Variants in ITPR3 observed in about 807,000 individuals in gnomAD.
The protein encoded by ITPR3 is inositol 1,4,5-trisphosphate receptor type 3, also known as inositol 1,4,5-trisphosphate-gated calcium channel ITPR3.
ITPR3 carries 173 observed loss-of-function variants against 293.2 expected under a neutral mutation model. The observed-to-expected ratio is 0.59, with a 90% CI of 0.52 to 0.67. ITPR3 has a LOEUF of 0.67. Ranked by LOEUF, ITPR3 falls within the 30% of genes least tolerant of loss-of-function variation. The pLI is 0.00. For missense variants in ITPR3, 2,796 were observed against 3,592.1 expected (o/e 0.78, Z 5.66); for synonymous variants, 1,295 against 1,444.4 (o/e 0.90, Z 2.35).
At chr6:33,652,415 A>G (rs1764212703) in intron 2 of ITPR3, among the ~76,000 whole-genome samples, 1 of 152,166 alleles carries the variant, frequency 6.6e-6, no homozygotes, top group Non-Finnish European at 1.5e-5. Flanking sequence ...GTAGCAAAAA[A>G]CATAAAGTGG....
In ITPR3 at chr6:33,633,783, C is replaced by T. The variant is rs1763744503; in HGVS notation, c.90-6701C>T. Among the ~76,000 whole-genome samples, 1 of 135,368 alleles carries T rather than the reference C, an allele frequency of 7.4e-6. No individual in the cohort carries two copies. Among genetic ancestry groups the T allele is most frequent in the African/African-American group, 2.8e-5 (1 of 36,346 alleles). 88.8% of individuals were successfully genotyped at this position (135,368 alleles called of 152,430 possible). ...GCGGGGCCGGGGCCGGGGCCGGACG[C>T]CCGGAGCTCGCGGGCCGGGCCAGGC... is the stretch of plus-strand genomic sequence containing the variant. On this transcript the variant is annotated intron_variant, in intron 1 of 57. Coordinates refer to ENST00000605930, the MANE Select transcript of ITPR3 (RefSeq NM_002224.4). This position sits in a 1 kb window ranked among gnomAD's most constrained non-coding sequence, Gnocchi z 5.2.
At position 33,670,954 on chromosome 6, in the gene ITPR3, C is replaced by A; in HGVS notation, c.2586+139C>A. On this transcript the variant is annotated intron_variant, in intron 20 of 57. Transcript: ENST00000605930. The surrounding 1 kb of genome is among the most constrained non-coding windows in gnomAD (Gnocchi z 6.7). ...GTGTCCCCAGCCAGTGCAGGGGGAC[C>A]GCATAGAAGGCTGGGATTCTCCAAG... The A allele has an allele frequency of 3.8e-6, 5 of 1,313,426 alleles. No homozygotes were observed. The African/African-American group carries it at 7.3e-5, about 19-fold the overall frequency. 81.4% of individuals were successfully genotyped at this position (1,313,426 alleles called of 1,614,324 possible).
intron 1 of ITPR3, among the ~76,000 whole-genome samples, chr6:33,623,989 C>T (rs1354326684): frequency 3.3e-5 from 5 of 152,238 alleles, no homozygotes; most frequent in African/African-American, 4.8e-5. Flanking sequence ...GTGCACCACA[C>T]GACTGCAACC....
chr6:33,645,231 G>T (rs2127238252), intron 2 of ITPR3, among the ~76,000 whole-genome samples: 1 of 152,180 alleles, frequency 6.6e-6, no homozygotes, highest in Non-Finnish European at 1.5e-5. Context: ...CTACTCAGGA[G>T]GCTAAGGCAG....
intron 6 of ITPR3, 50 bp from the exon 7 acceptor site, chr6:33,659,416 T>G: frequency 6.6e-7 from 1 of 1,526,198 alleles, no homozygotes. Context: ...CTCTGGGCCC[T>G]CAGTGGCTGG....
intron 33 of ITPR3, among the ~76,000 whole-genome samples, chr6:33,681,556 C>G (rs955979100): frequency 6.6e-6 from 1 of 152,204 alleles, no homozygotes; most frequent in African/African-American, 2.4e-5. Flanking sequence ...CCAGAGCCCC[C>G]CTGAATGAAA....
At chr6:33,644,696 C>T (rs973721718) in intron 2 of ITPR3, among the ~76,000 whole-genome samples, 26 of 143,804 alleles carry the variant, frequency 1.8e-4, no homozygotes, top group African/African-American at 5.7e-4. Context: ...CAGAGTCTCG[C>T]TCTGTTGCCC....
intron 57 of ITPR3, 192 bp from the exon 58 acceptor site, chr6:33,695,520 C>T (rs761676083): frequency 4.6e-5 from 28 of 613,136 alleles, no homozygotes; most frequent in African/African-American, 2.4e-4. Flanking sequence ...GTTTGTGACA[C>T]GCTAATTGAG....
chr6:33,677,752 C>A, intron 28 of ITPR3, 123 bp downstream of exon 28: 2 of 1,198,014 alleles, frequency 1.7e-6, no homozygotes, highest in East Asian at 2.5e-5. Flanking sequence ...TTACACTGCC[C>A]TGTTTGTTTG....
In ITPR3 at chr6:33,667,168, G is replaced by C; in HGVS notation, c.1591G>C (p.Gly531Arg). The C allele has an allele frequency of 1.2e-6, 2 of 1,614,166 alleles. No individual in the cohort carries two copies. The highest frequency in any genetic ancestry group is 1.7e-6 in the Non-Finnish European group (2 of 1,179,990). ...ILKAPFREKG[G>R]EGPLVRLEEL... is the part of the protein sequence containing the mutation. ...GAAGGCCCCGTTCCGTGAGAAGGGG[G>C]GTGAAGGTCCCCTGGTGCGGCTGGA... is the stretch of plus-strand genomic sequence containing the variant. The change falls in exon 15 of 58, where the codon GGT becomes CGT. Residue 531 changes from glycine (G) to arginine (R), a missense_variant. Physicochemically the swap from Gly to Arg is moderately radical, Grantham distance 125. Transcript: ENST00000605930. This position sits in a 1 kb window ranked among gnomAD's most constrained non-coding sequence, Gnocchi z 4.4.
intron 25 of ITPR3, among the ~76,000 whole-genome samples, 181 bp from the exon 26 acceptor site, chr6:33,676,587 G>T (rs1405644104): frequency 6.6e-6 from 1 of 152,226 alleles, no homozygotes. Flanking sequence ...AGCAGGGAAG[G>T]CTTCCTGGAG....
In ITPR3 at chr6:33,684,607, C is replaced by T. The variant is rs1365743188; in HGVS notation, c.5056C>T (p.Leu1686=). 6.2e-7 allele frequency: 1 copy of T among 1,614,130 alleles called. No homozygotes were observed. Residue 1686 remains leucine, a synonymous_variant, in exon 38 of 58, where the codon CTG becomes TTG. Transcript: ENST00000605930. The surrounding 1 kb of genome is among the most constrained non-coding windows in gnomAD (Gnocchi z 4.2). ...KTKYGDRGNQ[L]RKMLLQNYLQ... Reference sequence around the variant, plus strand: ...TCCCATCCTCCCCCAGGGCAACCAGCTGCGCAAGATGCTGCTGCAAAACTA... The same window carrying T: ...TCCCATCCTCCCCCAGGGCAACCAGTTGCGCAAGATGCTGCTGCAAAACTA...
At position 33,690,967 on chromosome 6, in the gene ITPR3, T is replaced by C. The variant is rs1765371345; in HGVS notation, c.7083T>C (p.Ser2361=). ...AGACGCTGTTCAACGTCATCAAGAG[T>C]GTGACCCGCAATGGCCGCTCCATCC... ...REETLFNVIK[S]VTRNGRSILL... The change falls in exon 52 of 58, where the codon AGT becomes AGC. Residue 2361 remains serine, a synonymous_variant. Transcript: ENST00000605930. 2 of 1,614,006 alleles carry C rather than the reference T, an allele frequency of 1.2e-6. No homozygotes were observed. Among genetic ancestry groups the C allele is most frequent in the Admixed American group, 3.3e-5 (2 of 60,004 alleles).
chr6:33,651,470 G>T (rs1764190861), intron 2 of ITPR3, among the ~76,000 whole-genome samples: 1 of 152,080 alleles, frequency 6.6e-6, no homozygotes, highest in Non-Finnish European at 1.5e-5. Context: ...CCTGACATGA[G>T]CTGTTCTACT....
intron 2 of ITPR3, among the ~76,000 whole-genome samples, chr6:33,644,182 T>A (rs1764013411): frequency 7.4e-6 from 1 of 135,864 alleles, no homozygotes; most frequent in Non-Finnish European, 1.6e-5. Flanking sequence ...AGAGCAAGAC[T>A]CTGTCTCAGG....
rs1263213632 is a variant in ITPR3 at position 33,640,103 on chromosome 6, C to T, written c.90-381C>T. On this transcript the variant is annotated intron_variant, in intron 1 of 57. Transcript: ENST00000605930. ...ACTCCTCTATGCTTTTGTTTTTCTC[C>T]TCCTCTCCTGCCCCCTTCACCCACT... 2.0e-5 allele frequency among the ~76,000 whole-genome samples: 3 copies of T among 152,200 alleles called. No homozygotes were observed. In the East Asian group the frequency reaches 5.8e-4, roughly 29 times the overall value.
At chr6:33,668,845 C>G in intron 17 of ITPR3, 129 bp from the exon 18 acceptor site, 1 of 1,190,106 alleles carries the variant, frequency 8.4e-7, no homozygotes, top group Non-Finnish European at 1.2e-6. Context: ...GGACCCTGCC[C>G]TTGAGATGCA....
rs565090368 is a variant in ITPR3, at chr6:33,624,418, A to G, written c.89+2727A>G. ...AAGTGCTGTAAGTAATCAGTCCAGCAGCTTCAGCGTCACCAGGAAGTTTGT... is the reference window on the plus strand; with the variant it reads ...AAGTGCTGTAAGTAATCAGTCCAGCGGCTTCAGCGTCACCAGGAAGTTTGT... On this transcript the variant is annotated intron_variant, in intron 1 of 57. Transcript: ENST00000605930. The surrounding 1 kb of genome is among the most constrained non-coding windows in gnomAD (Gnocchi z 4.7). Among the ~76,000 whole-genome samples, 16 of 152,386 alleles carry G rather than the reference A, an allele frequency of 1.0e-4. No individual in the cohort carries two copies. The East Asian group carries it at 3.1e-3, about 29-fold the overall frequency.
In ITPR3 at chr6:33,654,900, C is replaced by G. The variant is rs141107727; in HGVS notation, c.161-866C>G. 6.6e-3 allele frequency among the ~76,000 whole-genome samples: 1,012 copies of G among 152,318 alleles called. 10 individuals carry two copies. Among genetic ancestry groups the G allele is most frequent in the African/African-American group, 0.022 (905 of 41,556 alleles). On this transcript the variant is annotated intron_variant, in intron 2 of 57. Coordinates refer to ENST00000605930, the MANE Select transcript of ITPR3 (RefSeq NM_002224.4). The surrounding 1 kb of genome is among the most constrained non-coding windows in gnomAD (Gnocchi z 4.1). ...CCCCTCACCAGCACCCAGAATCCTC[C>G]CTCCCCTCCTACCAAGCTTTCGAAC...
Sources: allele counts gnomAD v4.1 joint callset (sites outside exome capture counted in the v4.1 genomes callset), GRCh38; gene constraint gnomAD v4.1.1; non-coding constraint Gnocchi (gnomAD v3.1); transcripts MANE v1.5; gene names NCBI Gene and HGNC (gene_info 2026-07-23, HGNC 2026-07-21).